CADPS: variants seen among roughly 807,000 people sequenced by gnomAD.
The protein encoded by CADPS is calcium-dependent secretion activator 1.
A neutral mutation model predicts 167.3 loss-of-function variants in CADPS; 57 were observed. The observed-to-expected ratio is 0.34, with a 90% confidence interval of 0.28 to 0.42. The LOEUF is 0.42. Ranked by LOEUF, CADPS falls within the 20% of genes least tolerant of loss-of-function variation. The pLI, the probability that CADPS is intolerant of heterozygous loss-of-function variation, is 1.00. For synonymous variants in CADPS, 676 were observed against 635.3 expected, an observed-to-expected ratio of 1.06 and a Z score of -0.96; for missense variants, 1,414 against 1,738.1, an observed-to-expected ratio of 0.81 and a Z score of 3.32.
chr3:62,457,749 A>C (rs1176527233), intron 26 of CADPS, among the ~76,000 whole-genome samples: 1 of 152,184 alleles, frequency 6.6e-6, no homozygotes, highest in Non-Finnish European at 1.5e-5. Context: ...AGAATACTAC[A>C]CAGCCATAAA....
At chr3:62,402,945 G>A in intron 29 of CADPS, 136 bp downstream of exon 29, 1 of 515,486 alleles carries the variant, frequency 1.9e-6, no homozygotes, top group Non-Finnish European at 3.4e-6. Flanking sequence ...CAAAACAATT[G>A]CATAGGTTTT....
At chr3:62,812,490 C>T (rs1266762811) in intron 1 of CADPS, among the ~76,000 whole-genome samples, 2 of 152,106 alleles carry the variant, frequency 1.3e-5, no homozygotes, top group South Asian at 2.1e-4. Flanking sequence ...AAAAAGCCAT[C>T]TTTTCTATTT....
chr3:62,405,164 T>C (rs1575585101), intron 28 of CADPS, among the ~76,000 whole-genome samples: 1 of 151,466 alleles, frequency 6.6e-6, no homozygotes, highest in East Asian at 1.9e-4. Flanking sequence ...AACAGATCTA[T>C]TTTGAGAACT....
In CADPS at chr3:62,583,155, G is replaced by C. The variant is rs1317636697; in HGVS notation, c.1577+2030C>G. Among the ~76,000 whole-genome samples the C allele has an allele frequency of 4.7e-4, 69 of 147,296 alleles. 1 individual carries two copies. The highest frequency in any genetic ancestry group is 1.1e-3 in the South Asian group (5 of 4,554). On this transcript the variant is annotated intron_variant, in intron 8 of 29. Transcript: ENST00000383710. ...CTCTTTGATCTGCCCTACCCTCTTT[G>C]TCTCTCTCTCTCTCTCTCTCTCTCT...
At chr3:62,594,353 C>T (rs1031928249) in intron 6 of CADPS, among the ~76,000 whole-genome samples, 1 of 151,440 alleles carries the variant, frequency 6.6e-6, no homozygotes. Flanking sequence ...AGTAGAGACG[C>T]GGTTTCACCG....
intron 3 of CADPS, among the ~76,000 whole-genome samples, chr3:62,735,805 T>C (rs2078884112): frequency 6.6e-6 from 1 of 152,306 alleles, no homozygotes; most frequent in East Asian, 1.9e-4. Flanking sequence ...AATGTGTTGG[T>C]GGTGAGACAG....
In CADPS at chr3:62,576,788, T is replaced by TTAAAAAA. The variant is rs1553936618; in HGVS notation, c.1578-5851_1578-5850insTTTTTTA. Among the ~76,000 whole-genome samples the TTAAAAAA allele has an allele frequency of 5.4e-4, 16 of 29,870 alleles. 7 individuals carry two copies. Among genetic ancestry groups the TTAAAAAA allele is most frequent in the South Asian group, 2.3e-3 (2 of 886 alleles). The allele number at this position is 29,870 out of a possible 152,430, so 19.6% of individuals were successfully genotyped here. On this transcript the variant is annotated intron_variant, in intron 8 of 29. Coordinates refer to ENST00000383710, the MANE Select transcript of CADPS (RefSeq NM_003716.4). ...CTGGGTGACAGAGCAAGACTCTGTC[T>TTAAAAAA]AAAAAAAAAAAAAAAAAAAAAAAAA...
rs1047845811 is a variant in CADPS, at chr3:62,875,231, G to C, written c.-202C>G. 1.6e-4 allele frequency: 85 copies of C among 521,974 alleles called. No homozygotes were observed. The highest frequency in any genetic ancestry group is 1.6e-3 in the African/African-American group (80 of 49,636). 32.3% of individuals were successfully genotyped at this position (521,974 alleles called of 1,614,324 possible). A position where few individuals can be genotyped will look rare whatever the true frequency, so the allele number is the denominator to read the frequency against. On this transcript the variant is annotated 5_prime_UTR_variant, in exon 1 of 30. Transcript: ENST00000383710. ...GAGCTGGGCTCAGACCCAGAAGCGCGAAGGGAGGAGGGGAAGGGAGAGGTG... is the reference window on the plus strand; with the variant it reads ...GAGCTGGGCTCAGACCCAGAAGCGCCAAGGGAGGAGGGGAAGGGAGAGGTG...
intron 1 of CADPS, among the ~76,000 whole-genome samples, chr3:62,853,435 G>T (rs866587754): frequency 1.5e-4 from 22 of 151,630 alleles, no homozygotes; most frequent in African/African-American, 4.6e-4. Context: ...GACAAGCCTG[G>T]CCAACATGGT....
intron 23 of CADPS, among the ~76,000 whole-genome samples, chr3:62,476,313 G>A (rs1364509385): frequency 1.3e-5 from 2 of 152,168 alleles, no homozygotes; most frequent in Admixed American, 1.3e-4. Flanking sequence ...TAGATTCTAT[G>A]TATTAAAACA....
At chr3:62,665,107 C>T (rs2074177276) in intron 3 of CADPS, among the ~76,000 whole-genome samples, 1 of 152,116 alleles carries the variant, frequency 6.6e-6, no homozygotes, top group Non-Finnish European at 1.5e-5. Context: ...ACACCAAATA[C>T]CCTATGACCT....
At chr3:62,534,758 C>T (rs527381392) in intron 12 of CADPS, among the ~76,000 whole-genome samples, 1 of 152,170 alleles carries the variant, frequency 6.6e-6, no homozygotes, top group Non-Finnish European at 1.5e-5. Flanking sequence ...TATACAGAGG[C>T]AGGAGATAAG....
At chr3:62,766,677 T>C (rs1276931590) in intron 1 of CADPS, among the ~76,000 whole-genome samples, 1 of 152,214 alleles carries the variant, frequency 6.6e-6, no homozygotes, top group Non-Finnish European at 1.5e-5. Context: ...GTACAATTCC[T>C]TGCCTATCAA....
intron 1 of CADPS, among the ~76,000 whole-genome samples, chr3:62,865,370 G>A (rs2081491454): frequency 1.4e-5 from 2 of 140,344 alleles, no homozygotes; most frequent in African/African-American, 5.4e-5. Flanking sequence ...ATGTGCTCCT[G>A]GAACACTTAA....
intron 1 of CADPS, among the ~76,000 whole-genome samples, chr3:62,837,297 C>A (rs1311518413): frequency 6.6e-6 from 1 of 152,178 alleles, no homozygotes; most frequent in Admixed American, 6.5e-5. Context: ...AAGCTCCTAT[C>A]TGACTGCAAA....
intron 3 of CADPS, among the ~76,000 whole-genome samples, chr3:62,702,634 T>G (rs2081598773): frequency 6.6e-6 from 1 of 152,142 alleles, no homozygotes; most frequent in South Asian, 2.1e-4. Flanking sequence ...GTTTTAAGTC[T>G]GTTCTGGCAA....
chr3:62,873,947 G>A (rs929087889), intron 1 of CADPS, among the ~76,000 whole-genome samples: 3 of 152,206 alleles, frequency 2.0e-5, no homozygotes, highest in African/African-American at 4.8e-5. Context: ...AGTGCCCGAG[G>A]ACACTTTGGC....
chr3:62,491,409 C>A lies in CADPS; in HGVS notation c.2956G>T (p.Asp986Tyr). ...LFAPLVVRYV[D>Y]LMESSIAQSI... ...TGTGCAATTGAGGACTCCATCAGAT[C>A]CACATATCTAACAACAAGTGGGGCA... Residue 986 changes from aspartate (D) to tyrosine (Y), a missense_variant, in exon 21 of 30, where the codon GAT becomes TAT. By Grantham distance (160) the Asp-to-Tyr change is radical (BLOSUM62 -3). This residue lies in a region of CADPS where 529 missense variants were observed against 629.6 expected (regional missense o/e 0.84). Coordinates refer to ENST00000383710, the MANE Select transcript of CADPS (RefSeq NM_003716.4). The A allele has an allele frequency of 6.2e-7, 1 of 1,614,116 alleles. No individual in the cohort carries two copies. The highest frequency in any genetic ancestry group is 8.5e-7 in the Non-Finnish European group (1 of 1,179,992).
intron 26 of CADPS, among the ~76,000 whole-genome samples, chr3:62,457,845 A>G (rs915574172): frequency 1.3e-5 from 2 of 152,188 alleles, no homozygotes; most frequent in Non-Finnish European, 2.9e-5. Context: ...ACAGAAAACC[A>G]AACACCGCGT....
Sources: gnomAD v4.1 joint callset for allele counts (sites outside exome capture counted in the v4.1 genomes callset) on GRCh38, gnomAD v4.1.1 for gene constraint, gnomAD v4.1.1 regional missense constraint, MANE v1.5 for transcripts, NCBI Gene and HGNC (gene_info 2026-07-23, HGNC 2026-07-21) for gene names.